Variants in MIER2 observed in about 807,000 individuals in gnomAD.
MIER2 encodes mesoderm induction early response protein 2.
Under a neutral mutation model 67.6 loss-of-function variants are expected in MIER2, and 30 were observed. The ratio of observed to expected loss-of-function variants is 0.44; its 90% confidence interval spans 0.33 to 0.60. The LOEUF is 0.60. MIER2 is among the 20% of genes least tolerant of loss of function. The pLI, the probability that MIER2 is intolerant of heterozygous loss-of-function variation, is 0.02. For synonymous variants in MIER2, 372 were observed against 312.6 expected, an observed-to-expected ratio of 1.19 and a Z score of -2.00; for missense variants, 702 against 745.1, an observed-to-expected ratio of 0.94 and a Z score of 0.67.
rs756946762 is a variant in MIER2 at position 311,786 on chromosome 19, C to G, written c.984+59G>C. ...CGGCCGTGTGCTGTGTGCCTGCGGA[C>G]CCTGAGCCCCTCCCCAGATCGAGAA... On this transcript the variant is annotated intron_variant, in intron 10 of 13. Transcript: ENST00000264819. 1.9e-6 allele frequency: 3 copies of G among 1,558,816 alleles called. No homozygotes were observed. In the African/African-American group the frequency reaches 4.1e-5, roughly 21 times the overall value.
chr19:324,568 T>G (rs796339428), intron 7 of MIER2, among the ~76,000 whole-genome samples: 1 of 119,536 alleles, frequency 8.4e-6, no homozygotes. Flanking sequence ...ACGACTCGAA[T>G]GACACAGACG....
At position 325,671 on chromosome 19, in the gene MIER2, G is replaced by T; in HGVS notation, c.619C>A (p.Leu207Ile). The change falls in exon 7 of 14, where the codon CTC (leucine) becomes ATC (isoleucine). Residue 207 changes from leucine (L) to isoleucine (I), a missense_variant. By Grantham distance (5) the Leu-to-Ile change is conservative. Around this residue, in one of 3 missense-constraint regions of MIER2, gnomAD observed 320 missense variants for 292.6 expected, o/e 1.09. Coordinates refer to ENST00000264819, the MANE Select transcript of MIER2 (RefSeq NM_017550.3). ...TGCCGGTTCAAGTGCAGGTTGCTGA[G>T]GTCAGCTTGGAACTGAGGTCCCACC... Reference protein sequence around the residue: ...IMVGPQFQADLSNLHLNRHCE... With the variant: ...IMVGPQFQADISNLHLNRHCE... The T allele has an allele frequency of 2.5e-6, 4 of 1,614,224 alleles. No individual in the cohort carries two copies. Among genetic ancestry groups the T allele is most frequent in the Non-Finnish European group, 3.4e-6 (4 of 1,180,052 alleles).
At position 307,178 on chromosome 19, in the gene MIER2, G is replaced by A. The variant is rs1490022671; in HGVS notation, c.1557C>T (p.Pro519=). The A allele has an allele frequency of 6.3e-7, 1 of 1,588,730 alleles. No individual in the cohort carries two copies. Among genetic ancestry groups the A allele is most frequent in the Non-Finnish European group, 8.6e-7 (1 of 1,167,720 alleles). ...FGLIGIGDVN[P]FLAAHPTCPA... ...GGCACGTGGGGTGGGCGGCCAGGAA[G>A]GGGTTCACGTCCCCAATGCCGATGA... The change falls in exon 13 of 14, where the codon CCC becomes CCT. Residue 519 remains proline, a synonymous_variant. Transcript: ENST00000264819.
chr19:344,724 GCGC>G (rs1164031935), intron 1 of MIER2, 47 bp downstream of exon 1: 3 of 1,112,112 alleles, frequency 2.7e-6, no homozygotes, highest in Admixed American at 4.8e-5. Flanking sequence ...GCGGCGGGGG[GCGC>G]GGACGCGCGG....
At chr19:307,762 C>A (rs1049986576) in intron 12 of MIER2, among the ~76,000 whole-genome samples, 8 of 116,320 alleles carry the variant, frequency 6.9e-5, no homozygotes, top group Non-Finnish European at 1.4e-4. Context: ...TGGGTCACAA[C>A]CCACATCTTT....
At chr19:339,943 C>T (rs575152773) in intron 1 of MIER2, among the ~76,000 whole-genome samples, 129 of 152,082 alleles carry the variant, frequency 8.5e-4, no homozygotes, top group Admixed American at 2.4e-3. Context: ...CTGAACTGGA[C>T]ACATTAAAAC....
At chr19:332,677 G>A (rs1279473587) in intron 3 of MIER2, among the ~76,000 whole-genome samples, 3 of 115,150 alleles carry the variant, frequency 2.6e-5, no homozygotes, top group South Asian at 3.5e-4. Context: ...CTCATGATCC[G>A]CCTACCTCGG....
chr19:336,157 C>A lies in MIER2; in HGVS notation c.26G>T (p.Arg9Met). The change falls in exon 2 of 14, where the codon AGG becomes ATG. Residue 9 changes from arginine (R) to methionine (M), a missense_variant. Around this residue, in one of 3 missense-constraint regions of MIER2, gnomAD observed 320 missense variants for 292.6 expected, o/e 1.09. Coordinates refer to ENST00000264819, the MANE Select transcript of MIER2 (RefSeq NM_017550.3). ...GCAGGAGACCACGCGAGGACTCTGC[C>A]TCCCCAGCGAGGAGGCCTGCGAAGG... is the stretch of plus-strand genomic sequence containing the variant. MAEASSLG[R>M]QSPRVVSCLE... 6.2e-7 allele frequency: 1 copy of A among 1,613,122 alleles called. No homozygotes were observed. Among genetic ancestry groups the A allele is most frequent in the Non-Finnish European group, 8.5e-7 (1 of 1,179,372 alleles).
Position 306,370 on chromosome 19 carries a change from G to A in MIER2, c.*320C>T, listed in dbSNP as rs547631800. ...GCTGGCTGGAAGGGACTAGGTGGCC[G>A]GCTCTGCCCTGCGTCCCAACGGCGG... On this transcript the variant is annotated 3_prime_UTR_variant, in exon 14 of 14. Transcript: ENST00000264819. 9 of 483,204 alleles carry A rather than the reference G, an allele frequency of 1.9e-5. No individual in the cohort carries two copies. Among genetic ancestry groups the A allele is most frequent in the South Asian group, 3.0e-5 (1 of 33,852 alleles). The allele number at this position is 483,204 out of a possible 1,614,324, so 29.9% of individuals were successfully genotyped here.
At chr19:343,215 C>T (rs568087366) in intron 1 of MIER2, among the ~76,000 whole-genome samples, 1 of 152,358 alleles carries the variant, frequency 6.6e-6, no homozygotes, top group South Asian at 2.1e-4. Context: ...CAGGGCAGAA[C>T]AGCCACATGG....
Position 325,618 on chromosome 19 carries a change from C to A in MIER2, c.655+17G>T. On this transcript the variant is annotated intron_variant, in intron 7 of 13. Coordinates refer to ENST00000264819, the MANE Select transcript of MIER2 (RefSeq NM_017550.3). ...TGCAGAAGTGGGTTTCGCCTCCTCT[C>A]CCCAGGCCCTACTTACTCTTCTCAC... 1 of 1,614,154 alleles carries A rather than the reference C, an allele frequency of 6.2e-7. No homozygotes were observed. Among genetic ancestry groups the A allele is most frequent in the Non-Finnish European group, 8.5e-7 (1 of 1,179,986 alleles).
chr19:329,885 AAAG>A (rs1281604944), intron 3 of MIER2, among the ~76,000 whole-genome samples: 2 of 151,502 alleles, frequency 1.3e-5, no homozygotes, highest in East Asian at 3.9e-4. Flanking sequence ...AAAAAAAAAA[AAAG>A]AAGATGCTGG....
In MIER2 at chr19:315,481, T is replaced by C. The variant is rs1007442551; in HGVS notation, c.656-1838A>G. Among the ~76,000 whole-genome samples the C allele has an allele frequency of 3.9e-5, 6 of 152,204 alleles. No homozygotes were observed. In the South Asian group the frequency reaches 1.0e-3, roughly 26 times the overall value. On this transcript the variant is annotated intron_variant, in intron 7 of 13. Coordinates refer to ENST00000264819, the MANE Select transcript of MIER2 (RefSeq NM_017550.3). ...AACGAGGATTAATACGTTAAGGAAA[T>C]GGACAAAACGCCGGAGAGTCTCAGC...
intron 10 of MIER2, among the ~76,000 whole-genome samples, chr19:311,480 G>A (rs1359337423): frequency 6.6e-6 from 1 of 152,210 alleles, no homozygotes; most frequent in Non-Finnish European, 1.5e-5. Context: ...GTCTCCAGGT[G>A]TCAGGGGTTC....
chr19:324,565 G>A (rs549401829), intron 7 of MIER2, among the ~76,000 whole-genome samples: 7 of 132,836 alleles, frequency 5.3e-5, no homozygotes, highest in South Asian at 2.3e-4. Flanking sequence ...CAGACGACTC[G>A]AATGACACAG....
At chr19:338,663 G>C (rs1484277301) in intron 1 of MIER2, among the ~76,000 whole-genome samples, 2 of 152,122 alleles carry the variant, frequency 1.3e-5, no homozygotes, top group Admixed American at 1.3e-4. Flanking sequence ...ATTCACCACA[G>C]AGCCACAGCA....
chr19:312,197 T>C lies in MIER2; in HGVS notation c.883A>G (p.Ile295Val), dbSNP rs745789558. The C allele has an allele frequency of 8.1e-5, 130 of 1,613,650 alleles. No homozygotes were observed. The highest frequency in any genetic ancestry group is 7.6e-6 in the Non-Finnish European group (9 of 1,179,868). The change falls in exon 9 of 14, where the codon ATC becomes GTC. Residue 295 changes from isoleucine (I) to valine (V), a missense_variant. Transcript: ENST00000264819. Reference sequence around the variant, plus strand: ...GGCCCAGACCGCTGCTCACCTCGGATCACCTTCACGTTGAACCGCAGCCTT... The same window carrying C: ...GGCCCAGACCGCTGCTCACCTCGGACCACCTTCACGTTGAACCGCAGCCTT... ...LRRLRFNVKV[I>V]RDGLCAWSEE...
intron 1 of MIER2, among the ~76,000 whole-genome samples, chr19:340,306 A>C (rs1414663288): frequency 6.6e-6 from 1 of 152,016 alleles, no homozygotes; most frequent in Non-Finnish European, 1.5e-5. Context: ...ACGGGTGCCA[A>C]CCCTCCACAC....
Position 332,167 on chromosome 19 carries a change from G to C in MIER2, c.243+2233C>G, listed in dbSNP as rs150810446. Among the ~76,000 whole-genome samples, 466 of 151,988 alleles carry C rather than the reference G, an allele frequency of 3.1e-3. 1 individual carries two copies. Among genetic ancestry groups the C allele is most frequent in the African/African-American group, 0.011 (441 of 41,454 alleles). On this transcript the variant is annotated intron_variant, in intron 3 of 13. Coordinates refer to ENST00000264819, the MANE Select transcript of MIER2 (RefSeq NM_017550.3). ...CCTGAGTAGCTAGGACTACAGACGT[G>C]CACCACCACGCCTGGCAATTTTCGT... is the stretch of plus-strand genomic sequence containing the variant.
Sources: gnomAD v4.1 joint callset for allele counts (sites outside exome capture counted in the v4.1 genomes callset) on GRCh38, gnomAD v4.1.1 for gene constraint, gnomAD v4.1.1 regional missense constraint, MANE v1.5 for transcripts, NCBI Gene and HGNC (gene_info 2026-07-23, HGNC 2026-07-21) for gene names.